FBXO42: variants seen among roughly 807,000 people sequenced by gnomAD.
The protein encoded by FBXO42 is F-box only protein 42.
In FBXO42, 12 loss-of-function variants were observed where a neutral mutation model predicts 71.7. The observed-to-expected ratio is 0.17, with a 90% confidence interval of 0.11 to 0.27. FBXO42 has a LOEUF of 0.27. Ranked by LOEUF, FBXO42 falls within the 10% of genes least tolerant of loss-of-function variation. The probability of loss-of-function intolerance (pLI) is 1.00; values close to 1 mark genes in which losing one functional copy is unlikely to be tolerated. For missense variants in FBXO42, 707 were observed against 911.9 expected, an observed-to-expected ratio of 0.78 and a Z score of 2.89; for synonymous variants, 325 against 327.5, an observed-to-expected ratio of 0.99 and a Z score of 0.08.
In FBXO42 at chr1:16,248,112, A is replaced by C. The variant is rs1476311257; in HGVS notation, c.*2558T>G. 3 of 152,242 alleles carry C rather than the reference A, an allele frequency of 2.0e-5. No individual in the cohort carries two copies. Among genetic ancestry groups the C allele is most frequent in the African/African-American group, 7.2e-5 (3 of 41,460 alleles). 9.4% of individuals were successfully genotyped at this position (152,242 alleles called of 1,614,324 possible). ...TTGGTATCATGTGAAAAATGGGGTC[A>C]TGGTTCAATCTGGCCTGACTGCAGC... On this transcript the variant is annotated 3_prime_UTR_variant, in exon 10 of 10. Coordinates refer to ENST00000375592, the MANE Select transcript of FBXO42 (RefSeq NM_018994.3).
intron 1 of FBXO42, among the ~76,000 whole-genome samples, chr1:16,340,432 T>C (rs1435384248): frequency 6.6e-6 from 1 of 151,964 alleles, no homozygotes; most frequent in Non-Finnish European, 1.5e-5. Context: ...GCAATTCTCC[T>C]GCCTCAGCCT....
intron 3 of FBXO42, among the ~76,000 whole-genome samples, chr1:16,304,226 C>G (rs533974277): frequency 3.3e-5 from 5 of 151,890 alleles, no homozygotes; most frequent in Non-Finnish European, 7.4e-5. Context: ...AAGCAGTTCT[C>G]CTGTCTCAGC....
chr1:16,345,616 G>A (rs186171086), intron 1 of FBXO42, among the ~76,000 whole-genome samples: 25 of 151,026 alleles, frequency 1.7e-4, no homozygotes, highest in Admixed American at 1.2e-3. Context: ...TTGGGAGGCC[G>A]AGGCAGGCGG....
At chr1:16,271,925 G>A (rs558499762) in intron 4 of FBXO42, among the ~76,000 whole-genome samples, 13 of 150,928 alleles carry the variant, frequency 8.6e-5, no homozygotes, top group African/African-American at 3.2e-4. Context: ...GATCACCTGA[G>A]GTCAGGAGTT....
At chr1:16,345,358 G>A (rs928646901) in intron 1 of FBXO42, among the ~76,000 whole-genome samples, 1 of 152,064 alleles carries the variant, frequency 6.6e-6, no homozygotes, top group African/African-American at 2.4e-5. Flanking sequence ...AGGAGGCGGA[G>A]GTTGCAGTGA....
chr1:16,334,358 G>C (rs368198301), intron 1 of FBXO42, among the ~76,000 whole-genome samples: 1 of 150,978 alleles, frequency 6.6e-6, no homozygotes, highest in Non-Finnish European at 1.5e-5. Flanking sequence ...GCGTGAACCC[G>C]GGAGGCGGAG....
intron 2 of FBXO42, among the ~76,000 whole-genome samples, chr1:16,314,150 C>T (rs2082341197): frequency 6.6e-6 from 1 of 152,144 alleles, no homozygotes; most frequent in Admixed American, 6.6e-5. Flanking sequence ...CAGGGTTTCA[C>T]CATGTTGGCC....
chr1:16,311,683 A>G (rs1460177470), intron 2 of FBXO42, among the ~76,000 whole-genome samples: 3 of 152,002 alleles, frequency 2.0e-5, no homozygotes, highest in Non-Finnish European at 4.4e-5. Context: ...CTACACATCT[A>G]TGAGAATGAT....
chr1:16,305,454 G>A (rs1003446572), intron 3 of FBXO42, among the ~76,000 whole-genome samples: 5 of 152,072 alleles, frequency 3.3e-5, no homozygotes, highest in South Asian at 2.1e-4. Flanking sequence ...CGTGGCTCAC[G>A]TTATGTAATC....
rs144852900 is a variant in FBXO42, at chr1:16,326,284, G to A, written c.-17-10849C>T. ...TTGGTCAGGCTGGTCTCGAACTCCC[G>A]ACCTCAGGTGATCCATCTGCCTGGG... On this transcript the variant is annotated intron_variant, in intron 1 of 9. Coordinates refer to ENST00000375592, the MANE Select transcript of FBXO42 (RefSeq NM_018994.3). 4.8e-3 allele frequency among the ~76,000 whole-genome samples: 719 copies of A among 151,324 alleles called. 20 individuals carry two copies. Among genetic ancestry groups the A allele is most frequent in the East Asian group, 0.04 (199 of 4,976 alleles).
At chr1:16,325,312 T>C (rs575467958) in intron 1 of FBXO42, among the ~76,000 whole-genome samples, 5 of 152,244 alleles carry the variant, frequency 3.3e-5, no homozygotes, top group African/African-American at 1.2e-4. Flanking sequence ...TTTTACCCAA[T>C]TGTTTTTAAG....
chr1:16,331,920 C>T (rs2082504510), intron 1 of FBXO42, among the ~76,000 whole-genome samples: 1 of 151,884 alleles, frequency 6.6e-6, no homozygotes, highest in East Asian at 1.9e-4. Flanking sequence ...CATGGTGATA[C>T]ACGCCTGTAA....
chr1:16,315,069 C>T (rs1461060159), intron 2 of FBXO42, 100 bp downstream of exon 2: 2 of 1,313,134 alleles, frequency 1.5e-6, no homozygotes, highest in Non-Finnish European at 2.1e-6. Context: ...ATTTTATAAC[C>T]ATAATACATT....
chr1:16,333,605 T>C (rs558982363), intron 1 of FBXO42, among the ~76,000 whole-genome samples: 4 of 152,096 alleles, frequency 2.6e-5, no homozygotes, highest in Non-Finnish European at 4.4e-5. Flanking sequence ...AATTAAAATA[T>C]GAAAAAATAA....
intron 1 of FBXO42, among the ~76,000 whole-genome samples, chr1:16,325,213 G>A (rs572911476): frequency 6.6e-6 from 1 of 152,082 alleles, no homozygotes; most frequent in Non-Finnish European, 1.5e-5. Context: ...ACTCCAGCTT[G>A]GGCAACAGAG....
At chr1:16,304,331 C>T (rs539211759) in intron 3 of FBXO42, among the ~76,000 whole-genome samples, 2 of 151,634 alleles carry the variant, frequency 1.3e-5, no homozygotes, top group Admixed American at 6.6e-5. Context: ...GTTGGCCAGG[C>T]TGGTCTCAAA....
chr1:16,317,070 CAGG>C (rs2082374681), intron 1 of FBXO42, among the ~76,000 whole-genome samples: 1 of 152,120 alleles, frequency 6.6e-6, no homozygotes, highest in African/African-American at 2.4e-5. Context: ...CACCTGAGGT[CAGG>C]AGTTCAAAAC....
chr1:16,288,680 G>A (rs569844083), intron 4 of FBXO42, among the ~76,000 whole-genome samples: 18 of 151,946 alleles, frequency 1.2e-4, no homozygotes, highest in Non-Finnish European at 2.4e-4. Flanking sequence ...AGTCTTGGCC[G>A]GGCGCAGTGG....
At chr1:16,289,368 AC>A (rs1349429237) in intron 4 of FBXO42, among the ~76,000 whole-genome samples, 1 of 151,790 alleles carries the variant, frequency 6.6e-6, no homozygotes, top group African/African-American at 2.4e-5. Context: ...TGATTGTGCC[AC>A]TGCACTCCAG....
Sources: allele counts gnomAD v4.1 joint callset (sites outside exome capture counted in the v4.1 genomes callset), GRCh38; gene constraint gnomAD v4.1.1; transcripts MANE v1.5; gene names NCBI Gene and HGNC (gene_info 2026-07-23, HGNC 2026-07-21).